Variants in RNF216 observed in about 807,000 individuals in gnomAD.
RNF216 encodes the protein E3 ubiquitin-protein ligase RNF216.
In RNF216, 72 loss-of-function variants were observed where a neutral mutation model predicts 110.8. The ratio of observed to expected loss-of-function variants is 0.65; its 90% CI spans 0.54 to 0.79. RNF216 has a LOEUF of 0.79. Among genes scored for constraint, RNF216 ranks in the 30% least tolerant of loss-of-function variants. RNF216 has a pLI of 0.00. For synonymous variants in RNF216, 495 were observed against 407.5 expected, an observed-to-expected ratio of 1.21 and a Z score of -2.59; for missense variants, 1,342 against 1,141.2, an observed-to-expected ratio of 1.18 and a Z score of -2.54.
chr7:5,684,998 A>G (rs997167690), intron 13 of RNF216, among the ~76,000 whole-genome samples: 1 of 152,052 alleles, frequency 6.6e-6, no homozygotes, highest in African/African-American at 2.4e-5. Flanking sequence ...GTCTTTACAC[A>G]GCATAGGTGG....
intron 1 of RNF216, among the ~76,000 whole-genome samples, chr7:5,781,006 G>A (rs1436885324): frequency 3.3e-5 from 5 of 152,196 alleles, no homozygotes; most frequent in Admixed American, 6.5e-5. Context: ...CCCCGCAGAA[G>A]GGTTTGACGC....
rs141923393 is a variant in RNF216 at position 5,721,207 on chromosome 7, C to T, written c.1505-35G>A. 4 of 1,605,380 alleles carry T rather than the reference C, an allele frequency of 2.5e-6. No individual in the cohort carries two copies. In the African/African-American group the frequency reaches 5.3e-5, roughly 21 times the overall value. Reference sequence around the variant, plus strand: ...ATACGACAATGCAAAAGCATGCAGACAACTATGTGTTAGGAACCTGGGCCA... The same window carrying T: ...ATACGACAATGCAAAAGCATGCAGATAACTATGTGTTAGGAACCTGGGCCA... On this transcript the variant is annotated intron_variant, in intron 8 of 16. Transcript: ENST00000389902.
At chr7:5,657,460 A>C (rs930743721) in intron 13 of RNF216, among the ~76,000 whole-genome samples, 2 of 152,124 alleles carry the variant, frequency 1.3e-5, no homozygotes, top group African/African-American at 4.8e-5. Flanking sequence ...CCAGCTACTC[A>C]GGAGGCTGAG....
chr7:5,622,761 T>C lies in RNF216; in HGVS notation c.*99A>G. The C allele has an allele frequency of 2.5e-6, 3 of 1,202,504 alleles. No individual in the cohort carries two copies. The South Asian group carries it at 4.5e-5, about 18-fold the overall frequency. The allele number at this position is 1,202,504 out of a possible 1,614,324, so 74.5% of individuals were successfully genotyped here. On this transcript the variant is annotated 3_prime_UTR_variant, in exon 17 of 17. Transcript: ENST00000389902. ...AACCAGCCTACCCTTCAAGCTGACTTAGGATGCAATGGTACAGACACCAGC... is the reference window on the plus strand; with the variant it reads ...AACCAGCCTACCCTTCAAGCTGACTCAGGATGCAATGGTACAGACACCAGC...
intron 13 of RNF216, among the ~76,000 whole-genome samples, chr7:5,689,299 G>A (rs918167554): frequency 2.7e-5 from 4 of 149,714 alleles, no homozygotes; most frequent in Admixed American, 6.7e-5. Flanking sequence ...CAGAAGTTAC[G>A]CTCAGTTTTT....
intron 13 of RNF216, among the ~76,000 whole-genome samples, chr7:5,710,484 G>A (rs1792607570): frequency 6.6e-6 from 1 of 152,040 alleles, no homozygotes; most frequent in Admixed American, 6.6e-5. Context: ...ACCTTACCAG[G>A]AAATGTAGTT....
rs949579754 is a variant in RNF216, at chr7:5,721,250, C to T, written c.1505-78G>A. On this transcript the variant is annotated intron_variant, in intron 8 of 16. Coordinates refer to ENST00000389902, the MANE Select transcript of RNF216 (RefSeq NM_207111.4). ...CTGGGCCAGCCATGTCCATTCTTCCCGGCCTCATCCTCCACCTTCTCTCTG... is the reference window on the plus strand; with the variant it reads ...CTGGGCCAGCCATGTCCATTCTTCCTGGCCTCATCCTCCACCTTCTCTCTG... The T allele has an allele frequency of 4.3e-5, 54 of 1,268,578 alleles. No individual in the cohort carries two copies. In the Admixed American group the frequency reaches 8.2e-4, roughly 19 times the overall value. 78.6% of individuals were successfully genotyped at this position (1,268,578 alleles called of 1,614,324 possible).
At chr7:5,779,899 T>TAA (rs1796988439) in intron 1 of RNF216, 2 of 150,260 alleles carry the variant, frequency 1.3e-5, no homozygotes, top group South Asian at 4.2e-4. Flanking sequence ...CGGGACATAC[T>TAA]ACATCTAAAA....
intron 13 of RNF216, among the ~76,000 whole-genome samples, chr7:5,654,128 G>A (rs1788579857): frequency 6.6e-6 from 1 of 152,200 alleles, no homozygotes; most frequent in Non-Finnish European, 1.5e-5. Flanking sequence ...AGCTAGTAAA[G>A]CCACTCAGGA....
intron 13 of RNF216, among the ~76,000 whole-genome samples, chr7:5,691,811 G>A (rs1791358753): frequency 6.6e-6 from 1 of 152,162 alleles, no homozygotes; most frequent in Admixed American, 6.5e-5. Flanking sequence ...ACATATTTTC[G>A]ATGTTTTAAA....
At chr7:5,774,369 T>G (rs2128683279) in intron 1 of RNF216, among the ~76,000 whole-genome samples, 1 of 152,308 alleles carries the variant, frequency 6.6e-6, no homozygotes, top group South Asian at 2.1e-4. Flanking sequence ...GCCCAGGAGT[T>G]CAATGCTGCA....
At chr7:5,655,635 C>CAAGA (rs1788693716) in intron 13 of RNF216, among the ~76,000 whole-genome samples, 1 of 152,078 alleles carries the variant, frequency 6.6e-6, no homozygotes, top group African/African-American at 2.4e-5. Context: ...AAAGACAAGA[C>CAAGA]CAGACCATGT....
At chr7:5,765,670 T>C (rs910187452) in intron 1 of RNF216, among the ~76,000 whole-genome samples, 2 of 151,112 alleles carry the variant, frequency 1.3e-5, no homozygotes, top group Non-Finnish European at 2.9e-5. Context: ...GGGGCTGGCA[T>C]GGTGGCTCAC....
chr7:5,706,623 C>T (rs1792306838), intron 13 of RNF216, among the ~76,000 whole-genome samples: 1 of 152,202 alleles, frequency 6.6e-6, no homozygotes, highest in South Asian at 2.1e-4. Flanking sequence ...TGTTGACGAA[C>T]ATGTCAGTAA....
In RNF216 at chr7:5,624,262, C is replaced by T. The variant is rs1786572079; in HGVS notation, c.2383-137G>A. 3 of 677,450 alleles carry T rather than the reference C, an allele frequency of 4.4e-6. No homozygotes were observed. Among genetic ancestry groups the T allele is most frequent in the Non-Finnish European group, 7.6e-6 (3 of 394,948 alleles). 42.0% of individuals were successfully genotyped at this position (677,450 alleles called of 1,614,324 possible). A position where few individuals can be genotyped will look rare whatever the true frequency, so the allele number is the denominator to read the frequency against. On this transcript the variant is annotated intron_variant, in intron 15 of 16. Coordinates refer to ENST00000389902, the MANE Select transcript of RNF216 (RefSeq NM_207111.4). The surrounding 1 kb of genome is among the most constrained non-coding windows in gnomAD (Gnocchi z 4.4). ...CTGCTGCTGGCCAGTGGGGCCTGGGCTGCACACCGTTCCTTCCTATTTCCC... is the reference window on the plus strand; with the variant it reads ...CTGCTGCTGGCCAGTGGGGCCTGGGTTGCACACCGTTCCTTCCTATTTCCC...
intron 15 of RNF216, among the ~76,000 whole-genome samples, chr7:5,628,277 CTGGTT>C (rs922975582): frequency 6.6e-6 from 1 of 152,114 alleles, no homozygotes; most frequent in African/African-American, 2.4e-5. Context: ...TAAAGACAGT[CTGGTT>C]TGTATTTCAC....
chr7:5,670,656 G>A (rs1363003306), intron 13 of RNF216, among the ~76,000 whole-genome samples: 2 of 152,068 alleles, frequency 1.3e-5, no homozygotes, highest in East Asian at 1.9e-4. Flanking sequence ...CTTCATGTCC[G>A]ACAACCTAAG....
chr7:5,735,512 A>T (rs1425189660), intron 5 of RNF216, among the ~76,000 whole-genome samples: 2 of 152,232 alleles, frequency 1.3e-5, no homozygotes, highest in Admixed American at 6.5e-5. Context: ...TAAAAGCTAA[A>T]ATTTCATAAC....
chr7:5,627,728 A>G (rs1306123870), intron 15 of RNF216, among the ~76,000 whole-genome samples: 2 of 151,434 alleles, frequency 1.3e-5, no homozygotes, highest in Non-Finnish European at 3.0e-5. Flanking sequence ...GCCTGGCGAC[A>G]GAGGGAGACT....
Sources: allele counts gnomAD v4.1 joint callset (sites outside exome capture counted in the v4.1 genomes callset), GRCh38; gene constraint gnomAD v4.1.1; non-coding constraint Gnocchi (gnomAD v3.1); transcripts MANE v1.5; gene names NCBI Gene and HGNC (gene_info 2026-07-23, HGNC 2026-07-21).